The following MAP2K6 variants were observed in gnomAD, a reference collection of about 807,000 sequenced individuals.
MAP2K6 encodes mitogen-activated protein kinase kinase 6, also known as dual specificity mitogen-activated protein kinase kinase 6.
A neutral mutation model predicts 53.7 loss-of-function variants in MAP2K6; 16 were observed. The observed-to-expected ratio is 0.30, with a 90% CI of 0.20 to 0.45. MAP2K6 has a LOEUF of 0.45. Among genes scored for constraint, MAP2K6 ranks in the 20% least tolerant of loss-of-function variants. The pLI is 1.00. For missense variants in MAP2K6, 204 were observed against 411.9 expected (o/e 0.50, Z 4.37); for synonymous variants, 132 against 143.1 (o/e 0.92, Z 0.55).
At chr17:69,505,884 G>C in intron 2 of MAP2K6, 38 bp downstream of exon 2, 1 of 1,574,440 alleles carries the variant, frequency 6.4e-7, no homozygotes, top group Non-Finnish European at 8.7e-7. Flanking sequence ...CCAAATCCTT[G>C]TGCTTTCAGA....
At chr17:69,513,532 A>G (rs1166518878) in intron 2 of MAP2K6, among the ~76,000 whole-genome samples, 1 of 152,174 alleles carries the variant, frequency 6.6e-6, no homozygotes, top group Non-Finnish European at 1.5e-5. Flanking sequence ...GGGTAATGCA[A>G]AGTTAGTATA....
At chr17:69,464,994 G>A (rs1311040351) in intron 1 of MAP2K6, among the ~76,000 whole-genome samples, 1 of 152,096 alleles carries the variant, frequency 6.6e-6, no homozygotes, top group Non-Finnish European at 1.5e-5. Context: ...GATTATAGGC[G>A]TGAGCCACTG....
At chr17:69,421,417 C>T (rs1050875996) in intron 1 of MAP2K6, among the ~76,000 whole-genome samples, 37 of 152,206 alleles carry the variant, frequency 2.4e-4, no homozygotes, top group Middle Eastern at 3.4e-3. Flanking sequence ...ATGAATTGTC[C>T]GAAGAATCCC....
chr17:69,526,116 A>G (rs1910755291), intron 9 of MAP2K6, among the ~76,000 whole-genome samples: 1 of 152,202 alleles, frequency 6.6e-6, no homozygotes, highest in African/African-American at 2.4e-5. Flanking sequence ...GTCCAAAAAA[A>G]GATCTGTCAT....
At chr17:69,436,122 G>C (rs1448447220) in intron 1 of MAP2K6, among the ~76,000 whole-genome samples, 1 of 151,800 alleles carries the variant, frequency 6.6e-6, no homozygotes, top group Non-Finnish European at 1.5e-5. Flanking sequence ...CCTCTGTAGA[G>C]ATTTAGCTTT....
chr17:69,450,744 G>A, intron 1 of MAP2K6, among the ~76,000 whole-genome samples: 1 of 151,478 alleles, frequency 6.6e-6, no homozygotes, highest in African/African-American at 2.4e-5. Context: ...CATCTCATGA[G>A]TATACTTTTT....
intron 7 of MAP2K6, among the ~76,000 whole-genome samples, 177 bp from the exon 8 acceptor site, chr17:69,523,337 A>G (rs1202673377): frequency 6.6e-6 from 1 of 152,242 alleles, no homozygotes; most frequent in Admixed American, 6.5e-5. Context: ...TAGAAAATCA[A>G]GTTGAAAGCA....
chr17:69,500,475 G>A (rs1200514979), intron 1 of MAP2K6, among the ~76,000 whole-genome samples: 59 of 88,192 alleles, frequency 6.7e-4, no homozygotes, highest in Non-Finnish European at 1.0e-3. Flanking sequence ...AAAAAAAAAA[G>A]GCCGGCCATG....
intron 10 of MAP2K6, among the ~76,000 whole-genome samples, chr17:69,529,657 C>T (rs558650892): frequency 1.3e-5 from 2 of 151,846 alleles, no homozygotes; most frequent in East Asian, 3.9e-4. Flanking sequence ...ACTACAGGTG[C>T]CCGCCACCAC....
intron 7 of MAP2K6, chr17:69,521,844 A>C (rs938319511): frequency 6.6e-6 from 1 of 150,488 alleles, no homozygotes; most frequent in African/African-American, 2.4e-5. Context: ...CCACCTTAGA[A>C]ATATGAAAGT....
At position 69,520,315 on chromosome 17, in the gene MAP2K6, A is replaced by G. The variant is rs895326787; in HGVS notation, c.412A>G (p.Lys138Glu). Residue 138 changes from lysine to glutamate, a missense_variant, in exon 6 of 12, where the codon AAA (lysine) becomes GAA (glutamate). Coordinates refer to ENST00000590474, the MANE Select transcript of MAP2K6 (RefSeq NM_002758.4). ...CMELMDTSLD[K>E]FYKQVIDKGQ... ...GGAGCTCATGGATACATCACTAGAT[A>G]AATTCTACAAACAAGTTATTGATAA... 1 of 1,612,814 alleles carries G rather than the reference A, an allele frequency of 6.2e-7. No individual in the cohort carries two copies. The highest frequency in any genetic ancestry group is 1.3e-5 in the African/African-American group (1 of 74,854).
intron 1 of MAP2K6, among the ~76,000 whole-genome samples, chr17:69,475,167 T>G (rs904302127): frequency 2.2e-4 from 31 of 142,918 alleles, no homozygotes; most frequent in African/African-American, 6.2e-4. Flanking sequence ...AATCTGTGTT[T>G]TTTTTTTTTT....
intron 1 of MAP2K6, among the ~76,000 whole-genome samples, chr17:69,473,447 T>C (rs940557844): frequency 6.6e-6 from 1 of 152,244 alleles, no homozygotes; most frequent in African/African-American, 2.4e-5. Flanking sequence ...TGTAAAGTAA[T>C]ACACCAAAAT....
intron 7 of MAP2K6, among the ~76,000 whole-genome samples, chr17:69,523,026 A>T (rs761541810): frequency 6.6e-6 from 1 of 152,176 alleles, no homozygotes; most frequent in Non-Finnish European, 1.5e-5. Context: ...ACACCACTGC[A>T]CACCGGTTGA....
At chr17:69,523,846 A>G (rs1480074485) in intron 8 of MAP2K6, among the ~76,000 whole-genome samples, 2 of 152,212 alleles carry the variant, frequency 1.3e-5, no homozygotes, top group Non-Finnish European at 1.5e-5. Context: ...TCAGGCTGCT[A>G]TGGCAAAGTA....
chr17:69,432,488 A>T (rs542301001), intron 1 of MAP2K6, among the ~76,000 whole-genome samples: 1 of 152,346 alleles, frequency 6.6e-6, no homozygotes, highest in South Asian at 2.1e-4. Flanking sequence ...AAGGAATGAG[A>T]TCATGTCCTT....
intron 1 of MAP2K6, among the ~76,000 whole-genome samples, chr17:69,474,571 G>A (rs1908076783): frequency 6.6e-6 from 1 of 152,184 alleles, no homozygotes; most frequent in South Asian, 2.1e-4. Flanking sequence ...CTGCGTAATG[G>A]CTGCAGTTTT....
At chr17:69,508,717 G>T (rs910685842) in intron 2 of MAP2K6, among the ~76,000 whole-genome samples, 1 of 152,188 alleles carries the variant, frequency 6.6e-6, no homozygotes, top group East Asian at 1.9e-4. Flanking sequence ...CCTAGTCCTA[G>T]ATCTGTCTAG....
rs1319602901 is a variant in MAP2K6, at chr17:69,545,014, A to T, written c.*3261A>T. 2.6e-5 allele frequency: 4 copies of T among 152,180 alleles called. No homozygotes were observed. Among genetic ancestry groups the T allele is most frequent in the African/African-American group, 7.2e-5 (3 of 41,434 alleles). The allele number at this position is 152,180 out of a possible 1,614,324, so 9.4% of individuals were successfully genotyped here. On this transcript the variant is annotated 3_prime_UTR_variant, in exon 12 of 12. Coordinates refer to ENST00000590474, the MANE Select transcript of MAP2K6 (RefSeq NM_002758.4). ...CTTTGATTTACCTGCCTTGTTTATCAGATTTTGCACAAAGTTGTGTTTGAC... is the reference window on the plus strand; with the variant it reads ...CTTTGATTTACCTGCCTTGTTTATCTGATTTTGCACAAAGTTGTGTTTGAC...
Sources: gnomAD v4.1 joint callset for allele counts (sites outside exome capture counted in the v4.1 genomes callset) on GRCh38, gnomAD v4.1.1 for gene constraint, MANE v1.5 for transcripts, NCBI Gene and HGNC (gene_info 2026-07-23, HGNC 2026-07-21) for gene names.